The following SULT1E1 variants were observed in gnomAD, a reference collection of about 807,000 sequenced individuals.
SULT1E1 encodes sulfotransferase family 1E member 1.
Under a neutral mutation model 33.6 loss-of-function variants are expected in SULT1E1, and 36 were observed. The observed-to-expected ratio is 1.07, with a 90% CI of 0.82 to 1.41. The LOEUF (loss-of-function observed/expected upper bound fraction) is 1.41, where lower values mean the gene tolerates loss of function less well. SULT1E1 is among the 40% of genes most tolerant of loss of function. SULT1E1 has a pLI of 0.00. For synonymous variants in SULT1E1, 121 were observed against 111.7 expected, an observed-to-expected ratio of 1.08 and a Z score of -0.53; for missense variants, 371 against 345.7, an observed-to-expected ratio of 1.07 and a Z score of -0.58.
rs1560558668 is a variant in SULT1E1, at chr4:69,857,647, T to C, written c.-3A>G. The C allele has an allele frequency of 6.3e-7, 1 of 1,584,432 alleles. No homozygotes were observed. The highest frequency in any genetic ancestry group is 8.5e-7 in the Non-Finnish European group (1 of 1,171,202). On this transcript the variant is annotated 5_prime_UTR_variant, in exon 2 of 8. Coordinates refer to ENST00000226444, the MANE Select transcript of SULT1E1 (RefSeq NM_005420.3). Reference sequence around the variant, plus strand: ...TAATAGTCAAGTTCAGAATTCATTGTGGTACACTGAAAAAAAACCTCTGCT... The same window carrying C: ...TAATAGTCAAGTTCAGAATTCATTGCGGTACACTGAAAAAAAACCTCTGCT...
At chr4:69,855,247 C>T in intron 3 of SULT1E1, 54 bp downstream of exon 3, 1 of 1,561,052 alleles carries the variant, frequency 6.4e-7, no homozygotes, top group Non-Finnish European at 8.7e-7. Flanking sequence ...GTACCATGTA[C>T]ATACACACCT....
At chr4:69,851,357 A>C (rs1721099494) in intron 4 of SULT1E1, among the ~76,000 whole-genome samples, 1 of 152,208 alleles carries the variant, frequency 6.6e-6, no homozygotes, top group Admixed American at 6.5e-5. Context: ...TATGCAGCCA[A>C]CAGACACATG....
rs773875568 is a variant in SULT1E1 at position 69,855,289 on chromosome 4, CT to C, written c.271+11del. On this transcript the variant is annotated intron_variant, in intron 3 of 7. Coordinates refer to ENST00000226444, the MANE Select transcript of SULT1E1 (RefSeq NM_005420.3). ...ATATGCAAATAGTTTTTAAAATCAA[CT>C]TGAACGTTACCATTCATGAGGTTTT... 18 of 1,609,110 alleles carry C rather than the reference CT, an allele frequency of 1.1e-5. 1 individual carries two copies. The South Asian group carries it at 2.0e-4, about 18-fold the overall frequency.
At chr4:69,826,023 G>A in the SULT1E1 span, among the ~76,000 whole-genome samples, 1 of 152,050 alleles carries the variant, frequency 6.6e-6, no homozygotes, top group Non-Finnish European at 1.5e-5. Context: ...CCCCATTGTA[G>A]GGGGTATTAT....
At chr4:69,827,253 C>T in the SULT1E1 span, among the ~76,000 whole-genome samples, 3 of 152,160 alleles carry the variant, frequency 2.0e-5, no homozygotes, top group Non-Finnish European at 2.9e-5. Context: ...GCTTTAACTG[C>T]AGCCCGAGAG....
the SULT1E1 span, among the ~76,000 whole-genome samples, chr4:69,828,994 C>T: frequency 6.6e-6 from 1 of 152,174 alleles, no homozygotes; most frequent in African/African-American, 2.4e-5. Flanking sequence ...GTTCTTAAAT[C>T]CCTGTGGGAG....
the SULT1E1 span, among the ~76,000 whole-genome samples, chr4:69,832,337 A>G: frequency 6.6e-6 from 1 of 152,186 alleles, no homozygotes; most frequent in Admixed American, 6.5e-5. Flanking sequence ...GGAGACAGCC[A>G]ATCTGTCATC....
rs1198182168 is a variant in SULT1E1, at chr4:69,847,716, G to A, written c.573C>T (p.Phe191=). ...TCCTCACCTCTTTCAGGTCTTCGTA[G>A]AAAAGAAATAGTACACGTGGACTCT... ...KGKSPRVLFL[F]YEDLKEDIRK... is the part of the protein sequence containing the mutation. Residue 191 remains phenylalanine, a synonymous_variant, in exon 6 of 8, where the codon TTC becomes TTT. Transcript: ENST00000226444. 2 of 1,603,628 alleles carry A rather than the reference G, an allele frequency of 1.2e-6. No individual in the cohort carries two copies. The highest frequency in any genetic ancestry group is 1.3e-5 in the African/African-American group (1 of 74,216).
intron 6 of SULT1E1, among the ~76,000 whole-genome samples, chr4:69,846,799 G>C (rs543278900): frequency 4.6e-5 from 7 of 151,726 alleles, no homozygotes; most frequent in South Asian, 2.1e-4. Flanking sequence ...ATTGTTATCA[G>C]TGTAGTGGGT....
intron 5 of SULT1E1, among the ~76,000 whole-genome samples, chr4:69,848,906 C>T (rs1721039941): frequency 6.6e-6 from 1 of 151,836 alleles, no homozygotes; most frequent in Non-Finnish European, 1.5e-5. Flanking sequence ...TCAAGTAACT[C>T]TTAACAAATT....
At chr4:69,843,790 A>G (rs954580231) in intron 7 of SULT1E1, among the ~76,000 whole-genome samples, 1 of 152,194 alleles carries the variant, frequency 6.6e-6, no homozygotes, top group South Asian at 2.1e-4. Flanking sequence ...TCTTCAACTC[A>G]AAAAGAGAGA....
chr4:69,831,669 C>T, the SULT1E1 span, among the ~76,000 whole-genome samples: 5 of 152,168 alleles, frequency 3.3e-5, no homozygotes, highest in African/African-American at 9.7e-5. Flanking sequence ...CCTCCCTTTA[C>T]GATGTGCACT....
intron 2 of SULT1E1, among the ~76,000 whole-genome samples, chr4:69,857,288 T>C (rs568619161): frequency 1.3e-5 from 2 of 152,322 alleles, no homozygotes; most frequent in African/African-American, 4.8e-5. Context: ...TTTCTAACTG[T>C]GCTCAACAAC....
chr4:69,821,439 T>G, the SULT1E1 span, among the ~76,000 whole-genome samples: 16 of 152,212 alleles, frequency 1.1e-4, no homozygotes, highest in Non-Finnish European at 2.4e-4. Flanking sequence ...TGGAGCAACA[T>G]TAAGACACAG....
chr4:69,854,806 T>A (rs1442322583), intron 3 of SULT1E1, among the ~76,000 whole-genome samples: 1 of 152,014 alleles, frequency 6.6e-6, no homozygotes, highest in Admixed American at 6.6e-5. Flanking sequence ...ACTATCTTTT[T>A]CTCTCAAAAT....
intron 3 of SULT1E1, among the ~76,000 whole-genome samples, 187 bp downstream of exon 3, chr4:69,855,114 A>G (rs1454537613): frequency 2.0e-5 from 3 of 152,084 alleles, no homozygotes; most frequent in Admixed American, 6.5e-5. Flanking sequence ...TATTCCAGAC[A>G]TATGCTGTAC....
intron 3 of SULT1E1, among the ~76,000 whole-genome samples, chr4:69,855,065 A>G (rs889094283): frequency 2.0e-5 from 3 of 151,940 alleles, no homozygotes; most frequent in African/African-American, 7.2e-5. Flanking sequence ...ATATTACTAA[A>G]CTCTGCTGAA....
At position 69,852,249 on chromosome 4, in the gene SULT1E1, A is replaced by C. The variant is rs186819284; in HGVS notation, c.369+1968T>G. Among the ~76,000 whole-genome samples the C allele has an allele frequency of 2.6e-5, 4 of 152,198 alleles. No individual in the cohort carries two copies. In the East Asian group the frequency reaches 7.7e-4, roughly 29 times the overall value. ...AACTGAAGATTTGAACACCTGCCTC[A>C]TGGTTTCACTCTCCATTCAAATTCT... On this transcript the variant is annotated intron_variant, in intron 4 of 7. Coordinates refer to ENST00000226444, the MANE Select transcript of SULT1E1 (RefSeq NM_005420.3).
chr4:69,839,050 C>T (rs1304620573), downstream of SULT1E1, among the ~76,000 whole-genome samples: 1 of 152,164 alleles, frequency 6.6e-6, no homozygotes, highest in African/African-American at 2.4e-5. Context: ...ATTCGTTGCT[C>T]AAGTTGAATT....
Sources: allele counts gnomAD v4.1 joint callset (sites outside exome capture counted in the v4.1 genomes callset), GRCh38; gene constraint gnomAD v4.1.1; transcripts MANE v1.5; gene names NCBI Gene and HGNC (gene_info 2026-07-23, HGNC 2026-07-21).